The following WTIP variants were observed in gnomAD, a reference collection of about 807,000 sequenced individuals.
WTIP encodes the protein Wilms tumor protein 1-interacting protein.
A neutral mutation model predicts 41.7 loss-of-function variants in WTIP; 23 were observed. That is an observed-to-expected ratio of 0.55 (90% CI 0.40 to 0.78). The LOEUF is 0.78. WTIP is among the 30% of genes least tolerant of loss of function. The probability of loss-of-function intolerance (pLI) is 0.00; values close to 1 mark genes in which losing one functional copy is unlikely to be tolerated. For synonymous variants in WTIP, 314 were observed against 269.9 expected, an observed-to-expected ratio of 1.16 and a Z score of -1.60; for missense variants, 619 against 610.5, an observed-to-expected ratio of 1.01 and a Z score of -0.15.
chr19:34,506,074 C>G lies in WTIP; in HGVS notation c.*5805C>G, dbSNP rs1227833830. The G allele has an allele frequency of 1.3e-5, 2 of 152,318 alleles. No homozygotes were observed. The highest frequency in any genetic ancestry group is 4.8e-5 in the African/African-American group (2 of 41,456). The allele number at this position is 152,318 out of a possible 1,614,324, so 9.4% of individuals were successfully genotyped here. ...CCAGCCCTGCCATCAGCTTGCCCAG[C>G]CTAGTTCCCTTTCTCTTCTGCGCTC... On this transcript the variant is annotated 3_prime_UTR_variant, in exon 8 of 8. Transcript: ENST00000590071.
At chr19:34,496,845 C>T (rs958069910) in intron 7 of WTIP, among the ~76,000 whole-genome samples, 6 of 151,728 alleles carry the variant, frequency 4.0e-5, no homozygotes, top group African/African-American at 7.3e-5. Context: ...GGGTCACTGG[C>T]GTGTGGCGCT....
rs1275220838 is a variant in WTIP, at chr19:34,482,379, T to C, written c.405T>C (p.Pro135=). The C allele has an allele frequency of 1.5e-6, 2 of 1,351,648 alleles. No homozygotes were observed. Among genetic ancestry groups the C allele is most frequent in the Non-Finnish European group, 1.9e-6 (2 of 1,048,580 alleles). The allele number at this position is 1,351,648 out of a possible 1,614,324, so 83.7% of individuals were successfully genotyped here. A position where few individuals can be genotyped will look rare whatever the true frequency, so the allele number is the denominator to read the frequency against. The change falls in exon 1 of 8, where the codon CCT becomes CCC. Residue 135 remains proline, a synonymous_variant. Coordinates refer to ENST00000590071, the MANE Select transcript of WTIP (RefSeq NM_001080436.2). The part of the protein sequence containing the change: ...RSDPRPGPGP[P]SVGSARSSVS... ...ACCCGCGTCCCGGTCCCGGGCCGCC[T>C]TCGGTGGGCAGCGCCCGCTCCAGCG...
At chr19:34,489,538 C>T (rs1373543090) in intron 1 of WTIP, among the ~76,000 whole-genome samples, 2 of 152,074 alleles carry the variant, frequency 1.3e-5, no homozygotes, top group African/African-American at 2.4e-5. Flanking sequence ...GTCTGGGTCA[C>T]AAAACATGTT....
chr19:34,482,370 C>A lies in WTIP; in HGVS notation c.396C>A (p.Pro132=). The change falls in exon 1 of 8, where the codon CCC becomes CCA. Residue 132 remains proline, a synonymous_variant. Transcript: ENST00000590071. ...RSGRSDPRPG[P]GPPSVGSARS... ...GTCGCTCGGACCCGCGTCCCGGTCC[C>A]GGGCCGCCTTCGGTGGGCAGCGCCC... The A allele has an allele frequency of 7.3e-7, 1 of 1,376,600 alleles. No homozygotes were observed. The highest frequency in any genetic ancestry group is 9.4e-7 in the Non-Finnish European group (1 of 1,061,622). The allele number at this position is 1,376,600 out of a possible 1,614,324, so 85.3% of individuals were successfully genotyped here.
rs2075919160 is a variant in WTIP, at chr19:34,507,879, G to C, written c.*7610G>C. The C allele has an allele frequency of 6.6e-6, 1 of 152,224 alleles. No homozygotes were observed. Among genetic ancestry groups the C allele is most frequent in the Non-Finnish European group, 1.5e-5 (1 of 68,056 alleles). The allele number at this position is 152,224 out of a possible 1,614,324, so 9.4% of individuals were successfully genotyped here. On this transcript the variant is annotated 3_prime_UTR_variant, in exon 8 of 8. Transcript: ENST00000590071. ...CAGTCCTGGTCCCACACATCTCCTGGAGCAGAGCCTGATTCCCAGCCTCTG... is the reference window on the plus strand; with the variant it reads ...CAGTCCTGGTCCCACACATCTCCTGCAGCAGAGCCTGATTCCCAGCCTCTG...
chr19:34,495,807 C>T (rs1568401340), intron 7 of WTIP, 36 bp downstream of exon 7: 2 of 1,606,068 alleles, frequency 1.2e-6, no homozygotes, highest in Non-Finnish European at 8.5e-7. Context: ...GCAGCTGGGG[C>T]AGGCCTCCTC....
chr19:34,492,686 A>G (rs997361249), intron 2 of WTIP, among the ~76,000 whole-genome samples: 1 of 96,996 alleles, frequency 1.0e-5, no homozygotes, highest in Non-Finnish European at 2.5e-5. Flanking sequence ...GATACTCTGT[A>G]TCAAAAAAAA....
chr19:34,489,223 C>T (rs1415220485), intron 1 of WTIP, among the ~76,000 whole-genome samples: 1 of 48,888 alleles, frequency 2.0e-5, no homozygotes, highest in East Asian at 6.0e-4. Flanking sequence ...AAAAAAAAAT[C>T]CTGCATCTAA....
chr19:34,490,345 C>T, intron 1 of WTIP, 31 bp from the exon 2 acceptor site: 2 of 1,608,044 alleles, frequency 1.2e-6, no homozygotes, highest in Admixed American at 1.7e-5. Flanking sequence ...GTGGCGCTAA[C>T]CCCTGCTCTC....
rs910328096 is a variant in WTIP, at chr19:34,501,493, G to T, written c.*1224G>T. 6.6e-6 allele frequency: 1 copy of T among 152,344 alleles called. No individual in the cohort carries two copies. The highest frequency in any genetic ancestry group is 6.5e-5 in the Admixed American group (1 of 15,288). 9.4% of individuals were successfully genotyped at this position (152,344 alleles called of 1,614,324 possible). A position where few individuals can be genotyped will look rare whatever the true frequency, so the allele number is the denominator to read the frequency against. On this transcript the variant is annotated 3_prime_UTR_variant, in exon 8 of 8. Transcript: ENST00000590071. ...TGGTCCTGATGCGGAATCCCCAGGGGTTCAGGGGACATCTGGACTGAAGTC... is the reference window on the plus strand; with the variant it reads ...TGGTCCTGATGCGGAATCCCCAGGGTTTCAGGGGACATCTGGACTGAAGTC...
chr19:34,497,084 A>G (rs930273048), intron 7 of WTIP, among the ~76,000 whole-genome samples: 1 of 151,964 alleles, frequency 6.6e-6, no homozygotes, highest in Non-Finnish European at 1.5e-5. Flanking sequence ...GCTGGTCTCA[A>G]ACTCCTGACT....
chr19:34,510,755 C>T lies in WTIP; in HGVS notation c.*10486C>T, dbSNP rs958065513. The T allele has an allele frequency of 6.6e-5, 10 of 152,170 alleles. No individual in the cohort carries two copies. Among genetic ancestry groups the T allele is most frequent in the Admixed American group, 5.2e-4 (8 of 15,278 alleles). The allele number at this position is 152,170 out of a possible 1,614,324, so 9.4% of individuals were successfully genotyped here. ...TTTTCTGCTTAGAAATTTCTTCTGCCAGATACCCTAAATTATCTCTCTCAA... is the reference window on the plus strand; with the variant it reads ...TTTTCTGCTTAGAAATTTCTTCTGCTAGATACCCTAAATTATCTCTCTCAA... On this transcript the variant is annotated 3_prime_UTR_variant, in exon 8 of 8. Transcript: ENST00000590071.
chr19:34,500,013 T>G, intron 7 of WTIP, 116 bp from the exon 8 acceptor site: 6 of 1,414,376 alleles, frequency 4.2e-6, no homozygotes, highest in Non-Finnish European at 4.7e-6. Flanking sequence ...AGAGTCTTCA[T>G]GTTGTTTTGC....
rs2075897958 is a variant in WTIP at position 34,503,454 on chromosome 19, A to AG, written c.*3189dup. The stretch of plus-strand genomic sequence containing the variant: ...ACAGCAGTATCTCCATTTCATGCCC[A>AG]GGGGTGACACTGACCCCATGATTAT... On this transcript the variant is annotated 3_prime_UTR_variant, in exon 8 of 8. Transcript: ENST00000590071. 1 of 152,340 alleles carries AG rather than the reference A, an allele frequency of 6.6e-6. No individual in the cohort carries two copies. Among genetic ancestry groups the AG allele is most frequent in the Non-Finnish European group, 1.5e-5 (1 of 68,124 alleles). The allele number at this position is 152,340 out of a possible 1,614,324, so 9.4% of individuals were successfully genotyped here. A position where few individuals can be genotyped will look rare whatever the true frequency, so the allele number is the denominator to read the frequency against.
In WTIP at chr19:34,506,947, C is replaced by T. The variant is rs12974878; in HGVS notation, c.*6678C>T. The T allele has an allele frequency of 0.21, 31,811 of 151,798 alleles. 3,578 individuals are homozygous for T. The highest frequency in any genetic ancestry group is 0.44 in the East Asian group (2,266 of 5,146). 9.4% of individuals were successfully genotyped at this position (151,798 alleles called of 1,614,324 possible). On this transcript the variant is annotated 3_prime_UTR_variant, in exon 8 of 8. Coordinates refer to ENST00000590071, the MANE Select transcript of WTIP (RefSeq NM_001080436.2). ...AATAATTGTGTTCAGCCTGGCCGGGCGCGGTGGCTCACGCCTGTAATCCCA... is the reference window on the plus strand; with the variant it reads ...AATAATTGTGTTCAGCCTGGCCGGGTGCGGTGGCTCACGCCTGTAATCCCA...
rs551916848 is a variant in WTIP, at chr19:34,486,001, C to A, written c.667+3360C>A. Among the ~76,000 whole-genome samples the A allele has an allele frequency of 1.7e-3, 256 of 152,192 alleles. 5 individuals carry two copies. Among genetic ancestry groups the A allele is most frequent in the African/African-American group, 5.9e-3 (243 of 41,528 alleles). ...CATTCACTGATGTCTTTGGAACTTT[C>A]CCCTCTCCCCTCCCCAAGTTCCGCT... is the stretch of plus-strand genomic sequence containing the variant. On this transcript the variant is annotated intron_variant, in intron 1 of 7. Coordinates refer to ENST00000590071, the MANE Select transcript of WTIP (RefSeq NM_001080436.2).
chr19:34,487,101 GCTT>G (rs1297937414), intron 1 of WTIP, among the ~76,000 whole-genome samples: 1 of 116,770 alleles, frequency 8.6e-6, no homozygotes. Flanking sequence ...GTCCCTGCCT[GCTT>G]TTTTTTTTTT....
chr19:34,496,574 G>T (rs1387850200), intron 7 of WTIP, among the ~76,000 whole-genome samples: 1 of 152,008 alleles, frequency 6.6e-6, no homozygotes, highest in East Asian at 1.9e-4. Flanking sequence ...GCAGCTGGAG[G>T]AGTCAGGGTT....
At position 34,481,913 on chromosome 19, in the gene WTIP, C is replaced by G. The variant is rs1485266229; in HGVS notation, c.-62C>G. ...GCTTCGGGCGGACGATGCGGCGGCC[C>G]GGCCGGAGCGGCGGCGGGAAGCGGA... On this transcript the variant is annotated 5_prime_UTR_variant, in exon 1 of 8. Transcript: ENST00000590071. 1.0e-6 allele frequency: 1 copy of G among 954,200 alleles called. No homozygotes were observed. The highest frequency in any genetic ancestry group is 1.2e-6 in the Non-Finnish European group (1 of 802,458). 59.1% of individuals were successfully genotyped at this position (954,200 alleles called of 1,614,324 possible). A position where few individuals can be genotyped will look rare whatever the true frequency, so the allele number is the denominator to read the frequency against.
Sources: allele counts gnomAD v4.1 joint callset (sites outside exome capture counted in the v4.1 genomes callset), GRCh38; gene constraint gnomAD v4.1.1; transcripts MANE v1.5; gene names NCBI Gene and HGNC (gene_info 2026-07-23, HGNC 2026-07-21).